Variants in ZBTB7C observed in about 807,000 individuals in gnomAD.
The protein encoded by ZBTB7C is zinc finger and BTB domain-containing protein 7C.
A neutral mutation model predicts 25.7 loss-of-function variants in ZBTB7C; 8 were observed. The observed-to-expected ratio is 0.31, with a 90% CI of 0.18 to 0.56. The LOEUF (loss-of-function observed/expected upper bound fraction) is 0.56. ZBTB7C is among the 20% of genes least tolerant of loss of function. ZBTB7C has a pLI of 0.91. For synonymous variants in ZBTB7C, 394 were observed against 369.0 expected (o/e 1.07, Z -0.78); for missense variants, 824 against 855.2 (o/e 0.96, Z 0.46).
At chr18:48,192,023 G>A (rs2042210207) in intron 2 of ZBTB7C, among the ~76,000 whole-genome samples, 1 of 152,148 alleles carries the variant, frequency 6.6e-6, no homozygotes, top group South Asian at 2.1e-4. Flanking sequence ...ATTCATAATT[G>A]CCAACAACCA....
intron 2 of ZBTB7C, among the ~76,000 whole-genome samples, chr18:48,302,051 G>C (rs59708579): frequency 6.6e-6 from 1 of 152,128 alleles, no homozygotes; most frequent in Non-Finnish European, 1.5e-5. Flanking sequence ...CCAGCCCCAC[G>C]ATGTCTGCAA....
intron 2 of ZBTB7C, among the ~76,000 whole-genome samples, chr18:48,303,516 CACTATCAAATACAAACT>C (rs2045593641): frequency 6.6e-6 from 1 of 152,210 alleles, no homozygotes; most frequent in Non-Finnish European, 1.5e-5. Flanking sequence ...AAGGTGTTAA[CACTATCAAATACAAACT>C]ACTCCACAAA....
chr18:48,387,374 G>A (rs1042350780), intron 1 of ZBTB7C, among the ~76,000 whole-genome samples: 2 of 152,186 alleles, frequency 1.3e-5, no homozygotes. Flanking sequence ...TACCAAACCA[G>A]CCTCCACTTT....
intron 3 of ZBTB7C, among the ~76,000 whole-genome samples, chr18:48,154,930 A>G (rs142741720): frequency 4.3e-4 from 66 of 152,342 alleles, no homozygotes; most frequent in South Asian, 4.1e-3. Context: ...TCTGCATAAT[A>G]GGAACCCAGA....
intron 3 of ZBTB7C, among the ~76,000 whole-genome samples, chr18:48,117,653 CCCTCA>C (rs2039487397): frequency 3.9e-5 from 6 of 152,198 alleles, no homozygotes; most frequent in Non-Finnish European, 8.8e-5. Context: ...GCATCCTATG[CCCTCA>C]GCCAGAGGTA....
intron 1 of ZBTB7C, among the ~76,000 whole-genome samples, chr18:48,371,530 C>A (rs1449781536): frequency 6.6e-6 from 1 of 152,178 alleles, no homozygotes; most frequent in African/African-American, 2.4e-5. Flanking sequence ...GGTTTTGGGA[C>A]ATTTGTCCCT....
Position 48,358,895 on chromosome 18 carries a change from C to T in ZBTB7C, c.-303-20497G>A, listed in dbSNP as rs564591945. Among the ~76,000 whole-genome samples the T allele has an allele frequency of 1.3e-4, 20 of 152,244 alleles. No homozygotes were observed. In the East Asian group the frequency reaches 2.1e-3, roughly 16 times the overall value. On this transcript the variant is annotated intron_variant, in intron 1 of 4. Coordinates refer to ENST00000590800, the MANE Select transcript of ZBTB7C (RefSeq NM_001318841.2). ...CAATAAAGCTATTAAAAACTAGTCC[C>T]GGTTTCCTCCTCCCTTATGCCTGGC...
intron 2 of ZBTB7C, among the ~76,000 whole-genome samples, chr18:48,238,104 A>G (rs2043427459): frequency 1.3e-5 from 2 of 152,232 alleles, no homozygotes. Flanking sequence ...GATTATTACC[A>G]TAAAATAAGG....
At chr18:48,073,773 G>C (rs1250494334) in intron 3 of ZBTB7C, among the ~76,000 whole-genome samples, 1 of 152,252 alleles carries the variant, frequency 6.6e-6, no homozygotes, top group Non-Finnish European at 1.5e-5. Context: ...TCCTGTGGCT[G>C]GCAGCTGGCA....
chr18:48,038,551 T>C (rs1446811689), intron 4 of ZBTB7C, among the ~76,000 whole-genome samples: 1 of 150,436 alleles, frequency 6.6e-6, no homozygotes, highest in Non-Finnish European at 1.5e-5. Context: ...ACTCATCTTT[T>C]TTTTTTTTTT....
At chr18:48,049,241 G>A (rs1598778214) in intron 3 of ZBTB7C, among the ~76,000 whole-genome samples, 1 of 152,230 alleles carries the variant, frequency 6.6e-6, no homozygotes, top group Admixed American at 6.5e-5. Flanking sequence ...AGTTTTACTA[G>A]GAACATGAAG....
intron 3 of ZBTB7C, among the ~76,000 whole-genome samples, chr18:48,125,398 T>C (rs2039767175): frequency 6.6e-6 from 1 of 152,194 alleles, no homozygotes; most frequent in African/African-American, 2.4e-5. Flanking sequence ...TGCATCTCCC[T>C]CTGGCTGCTT....
At chr18:48,192,215 G>A (rs2042214192) in intron 2 of ZBTB7C, among the ~76,000 whole-genome samples, 1 of 152,168 alleles carries the variant, frequency 6.6e-6, no homozygotes, top group Non-Finnish European at 1.5e-5. Context: ...ACTGGAAAAG[G>A]CTACATACTG....
At chr18:48,091,423 A>G (rs1408358591) in intron 3 of ZBTB7C, among the ~76,000 whole-genome samples, 1 of 151,904 alleles carries the variant, frequency 6.6e-6, no homozygotes, top group African/African-American at 2.4e-5. Flanking sequence ...AAGAAATAGT[A>G]TGTTCTTTTT....
At chr18:48,100,404 G>A (rs1043544011) in intron 3 of ZBTB7C, among the ~76,000 whole-genome samples, 6 of 152,032 alleles carry the variant, frequency 3.9e-5, no homozygotes, top group Non-Finnish European at 7.4e-5. Flanking sequence ...TTATTCTCCC[G>A]CTCCCTTTCC....
intron 2 of ZBTB7C, among the ~76,000 whole-genome samples, chr18:48,236,596 G>A (rs1395348278): frequency 6.6e-6 from 1 of 152,174 alleles, no homozygotes; most frequent in Non-Finnish European, 1.5e-5. Context: ...TACTGTGGGA[G>A]GAGGAGGATT....
At chr18:48,051,402 G>A (rs1346797846) in intron 3 of ZBTB7C, among the ~76,000 whole-genome samples, 1 of 152,320 alleles carries the variant, frequency 6.6e-6, no homozygotes, top group Non-Finnish European at 1.5e-5. Flanking sequence ...CTTCGTCTAT[G>A]TAGAGGCTGC....
intron 2 of ZBTB7C, among the ~76,000 whole-genome samples, chr18:48,191,785 C>T (rs2042204133): frequency 6.6e-6 from 1 of 152,216 alleles, no homozygotes; most frequent in Non-Finnish European, 1.5e-5. Context: ...GCAGCTGCCC[C>T]TCCCAGGATC....
At chr18:48,265,186 T>A (rs536728259) in intron 2 of ZBTB7C, among the ~76,000 whole-genome samples, 12 of 152,356 alleles carry the variant, frequency 7.9e-5, no homozygotes, top group African/African-American at 2.9e-4. Flanking sequence ...CTACTCTTGA[T>A]GTCTCCACTA....
Sources: gnomAD v4.1 joint callset for allele counts (sites outside exome capture counted in the v4.1 genomes callset) on GRCh38, gnomAD v4.1.1 for gene constraint, MANE v1.5 for transcripts, NCBI Gene and HGNC (gene_info 2026-07-23, HGNC 2026-07-21) for gene names.